Variants in PIGR observed in about 807,000 individuals in gnomAD.
PIGR encodes the protein polymeric immunoglobulin receptor.
A neutral mutation model predicts 69.5 loss-of-function variants in PIGR; 22 were observed. That is an observed-to-expected ratio of 0.32 (90% CI 0.23 to 0.45). PIGR has a LOEUF of 0.45. Ranked by LOEUF, PIGR falls within the 20% of genes least tolerant of loss-of-function variation. The pLI is 1.00. For synonymous variants in PIGR, 413 were observed against 407.6 expected, an observed-to-expected ratio of 1.01 and a Z score of -0.16; for missense variants, 885 against 974.0, an observed-to-expected ratio of 0.91 and a Z score of 1.22.
In PIGR at chr1:206,932,448, G is replaced by A; in HGVS notation, c.2008+8C>T. Reference sequence around the variant, plus strand: ...AGGTGGGAGGCAGGGAGTATCCCAGGGACTCACCGACGTTCTTCCTGTGCC... The same window carrying A: ...AGGTGGGAGGCAGGGAGTATCCCAGAGACTCACCGACGTTCTTCCTGTGCC... On this transcript the variant is annotated splice_region_variant and intron_variant, in intron 8 of 10. Coordinates refer to ENST00000356495, the MANE Select transcript of PIGR (RefSeq NM_002644.4). 1 of 1,608,252 alleles carries A rather than the reference G, an allele frequency of 6.2e-7. No individual in the cohort carries two copies. The highest frequency in any genetic ancestry group is 8.5e-7 in the Non-Finnish European group (1 of 1,177,916).
rs1679888713 is a variant in PIGR, at chr1:206,937,485, G to C, written c.655C>G (p.Leu219Val). 1 of 1,614,222 alleles carries C rather than the reference G, an allele frequency of 6.2e-7. No individual in the cohort carries two copies. The highest frequency in any genetic ancestry group is 2.2e-5 in the East Asian group (1 of 44,878). Residue 219 changes from leucine (L) to valine (V), a missense_variant, in exon 4 of 11, where the codon CTC (leucine) becomes GTC (valine). Transcript: ENST00000356495. ...TTGGAATCATCCCCAGCCTGGCAGA[G>C]ATACTGCCCAGCATCGCTGAGCCTG... ...QLRLSDAGQYLCQAGDDSNSN... is the reference protein window; with the variant it reads ...QLRLSDAGQYVCQAGDDSNSN...
intron 2 of PIGR, 50 bp downstream of exon 2, chr1:206,940,439 G>C (rs370563609): frequency 6.5e-7 from 1 of 1,530,406 alleles, no homozygotes; most frequent in East Asian, 2.5e-5. Context: ...CCCTGGAGTC[G>C]GGCAGGCTGA....
chr1:206,932,361 AAAG>A (rs1679770609), intron 8 of PIGR, 92 bp downstream of exon 8: 1 of 1,383,286 alleles, frequency 7.2e-7, no homozygotes, highest in Non-Finnish European at 9.7e-7. Flanking sequence ...AGCTCATGAA[AAAG>A]AAGAGACACA....
At chr1:206,944,402 G>A (rs533398409) in intron 1 of PIGR, among the ~76,000 whole-genome samples, 1 of 152,298 alleles carries the variant, frequency 6.6e-6, no homozygotes, top group East Asian at 1.9e-4. Context: ...GAACCCAGGA[G>A]GTGGAGGTTG....
chr1:206,931,289 T>G, intron 10 of PIGR: 1 of 1,448,796 alleles, frequency 6.9e-7, no homozygotes, highest in South Asian at 1.5e-5. Context: ...GCTCACCTCC[T>G]TCCTGGGCCT....
At chr1:206,938,524 G>T (rs1467531338) in intron 3 of PIGR, among the ~76,000 whole-genome samples, 1 of 152,150 alleles carries the variant, frequency 6.6e-6, no homozygotes, top group African/African-American at 2.4e-5. Context: ...CAGCCTCATT[G>T]TTAAACCCTT....
rs1679936998 is a variant in PIGR, at chr1:206,939,387, G to A, written c.120C>T (p.Cys40=). The A allele has an allele frequency of 6.2e-7, 1 of 1,614,196 alleles. No individual in the cohort carries two copies. The highest frequency in any genetic ancestry group is 8.5e-7 in the Non-Finnish European group (1 of 1,180,026). Residue 40 remains cysteine, a synonymous_variant, in exon 3 of 11, where the codon TGC becomes TGT. Transcript: ENST00000356495. ...GGTTGACAGAGGTGGGTGGGTAGTAGCACGTGATGGACACTGAGTTACCTT... is the reference window on the plus strand; with the variant it reads ...GGTTGACAGAGGTGGGTGGGTAGTAACACGTGATGGACACTGAGTTACCTT... ...SVEGNSVSIT[C]YYPPTSVNRH...
chr1:206,934,421 C>G lies in PIGR; in HGVS notation c.1704G>C (p.Ala568=). ...VYVAVEERKA[A]GSRDVSLAKA... ...CAGGCCCTGTCCTTGGAGACTCACC[C>G]GCTGCCTTCCTCTCTTCAACTGCCA... Residue 568 remains alanine (A), a splice_region_variant and synonymous_variant, in exon 6 of 11, where the codon GCG becomes GCC. Coordinates refer to ENST00000356495, the MANE Select transcript of PIGR (RefSeq NM_002644.4). 2 of 1,612,068 alleles carry G rather than the reference C, an allele frequency of 1.2e-6. No individual in the cohort carries two copies. The highest frequency in any genetic ancestry group is 1.1e-5 in the South Asian group (1 of 90,986).
Position 206,939,125 on chromosome 1 carries a change from T to C in PIGR, c.382A>G (p.Ser128Gly). 6.2e-7 allele frequency: 1 copy of C among 1,604,708 alleles called. No individual in the cohort carries two copies. Among genetic ancestry groups the C allele is most frequent in the Non-Finnish European group, 8.5e-7 (1 of 1,172,480 alleles). ...GLSFDVSLEV[S>G]QGPGLLNDTK... ...AAGGAGCTTGGATCCTTACCCTGGC[T>C]GACCTCCAGGCTGACATCAAAGGAC... is the stretch of plus-strand genomic sequence containing the variant. Residue 128 changes from serine (S) to glycine (G), a missense_variant, in exon 3 of 11, where the codon AGC (serine) becomes GGC (glycine). Transcript: ENST00000356495.
At position 206,934,544 on chromosome 1, in the gene PIGR, G is replaced by T. The variant is rs1384288309; in HGVS notation, c.1581C>A (p.Val527=). The stretch of plus-strand genomic sequence containing the variant: ...TGGTCACCAGGTTCAGGGTCAGGGA[G>T]ACAAGCCGGCTGTTCTCGTCACAGT... The part of the protein sequence containing the change: ...FVNCDENSRL[V]SLTLNLVTRA... Residue 527 remains valine (V), a synonymous_variant, in exon 6 of 11, where the codon GTC becomes GTA. Transcript: ENST00000356495. 1 of 1,614,260 alleles carries T rather than the reference G, an allele frequency of 6.2e-7. No individual in the cohort carries two copies. The highest frequency in any genetic ancestry group is 8.5e-7 in the Non-Finnish European group (1 of 1,180,048).
intron 3 of PIGR, among the ~76,000 whole-genome samples, chr1:206,938,715 C>T (rs977713002): frequency 2.0e-5 from 3 of 152,116 alleles, no homozygotes; most frequent in Non-Finnish European, 4.4e-5. Context: ...AGCCTTTTGG[C>T]GGCCCAAACC....
At chr1:206,931,872 C>G in intron 8 of PIGR, 70 bp from the exon 9 acceptor site, 7 of 1,576,246 alleles carry the variant, frequency 4.4e-6, no homozygotes, top group Non-Finnish European at 6.1e-6. Flanking sequence ...TGGGCTGCTT[C>G]TCTCTGGGCG....
rs1228076614 is a variant in PIGR, at chr1:206,935,558, C to T, written c.1306G>A (p.Ala436Thr). The change falls in exon 5 of 11, where the codon GCC becomes ACC. Residue 436 changes from alanine to threonine, a missense_variant. Transcript: ENST00000356495. The surrounding 1 kb of genome is among the most constrained non-coding windows in gnomAD (Gnocchi z 4.4). Reference protein sequence around the residue: ...VILNQLTSRDAGFYWCLTNGD... With the variant: ...VILNQLTSRDTGFYWCLTNGD... ...TTGGTCAGACACCAGTAGAAGCCGG[C>T]GTCCCGGCTGGTGAGCTGGTTGAGG... 6.2e-6 allele frequency: 10 copies of T among 1,614,052 alleles called. No individual in the cohort carries two copies. The Admixed American group carries it at 6.7e-5, about 11-fold the overall frequency.
At chr1:206,934,971 G>C (rs1679835788) in intron 5 of PIGR, among the ~76,000 whole-genome samples, 1 of 152,104 alleles carries the variant, frequency 6.6e-6, no homozygotes, top group Admixed American at 6.5e-5. Flanking sequence ...CAATCTTCCT[G>C]TCTTGGCCTC....
At chr1:206,931,587 A>T in intron 9 of PIGR, 32 bp from the exon 10 acceptor site, 1 of 1,613,272 alleles carries the variant, frequency 6.2e-7, no homozygotes, top group Non-Finnish European at 8.5e-7. Flanking sequence ...GTTAGCCCTT[A>T]CTAGCCTCCT....
rs542340457 is a variant in PIGR, at chr1:206,944,038, A to T, written c.-54+2298T>A. Among the ~76,000 whole-genome samples, 199 of 152,340 alleles carry T rather than the reference A, an allele frequency of 1.3e-3. 1 individual carries two copies. Among genetic ancestry groups the T allele is most frequent in the Admixed American group, 2.0e-3 (31 of 15,298 alleles). ...TTCTAGATCAAGAGCATAGGCCCTT[A>T]GCCACTCTGCTTTACCTCAGAGGGT... is the stretch of plus-strand genomic sequence containing the variant. On this transcript the variant is annotated intron_variant, in intron 1 of 10. Coordinates refer to ENST00000356495, the MANE Select transcript of PIGR (RefSeq NM_002644.4).
chr1:206,930,457 C>T lies in PIGR; in HGVS notation c.2200-44G>A. 1.3e-6 allele frequency: 2 copies of T among 1,590,582 alleles called. No homozygotes were observed. The highest frequency in any genetic ancestry group is 1.7e-6 in the Non-Finnish European group (2 of 1,168,232). ...GGCATCAGTGTTGGGGGCACTGGCT[C>T]AGTGGGTGGAGTCAGGGGAGGGGAG... On this transcript the variant is annotated intron_variant, in intron 10 of 10. Coordinates refer to ENST00000356495, the MANE Select transcript of PIGR (RefSeq NM_002644.4). This position sits in a 1 kb window ranked among gnomAD's most constrained non-coding sequence, Gnocchi z 4.3.
chr1:206,936,079 C>T (rs1172085087), intron 4 of PIGR, among the ~76,000 whole-genome samples: 1 of 152,136 alleles, frequency 6.6e-6, no homozygotes, highest in Non-Finnish European at 1.5e-5. Flanking sequence ...TTATTCTGAG[C>T]AGAGAATGGA....
At chr1:206,932,635 G>C in intron 7 of PIGR, 58 bp from the exon 8 acceptor site, 1 of 1,545,312 alleles carries the variant, frequency 6.5e-7, no homozygotes, top group Non-Finnish European at 8.7e-7. Flanking sequence ...GCCCGACGAT[G>C]TGCTGGCAAG....
Sources: allele counts gnomAD v4.1 joint callset (sites outside exome capture counted in the v4.1 genomes callset), GRCh38; gene constraint gnomAD v4.1.1; non-coding constraint Gnocchi (gnomAD v3.1); transcripts MANE v1.5; gene names NCBI Gene and HGNC (gene_info 2026-07-23, HGNC 2026-07-21).